The following KIF24 variants were observed in gnomAD, a reference collection of about 807,000 sequenced individuals.
KIF24 encodes kinesin-like protein KIF24.
Under a neutral mutation model 118.9 loss-of-function variants are expected in KIF24, and 81 were observed. That is an observed-to-expected ratio of 0.68 (90% CI 0.57 to 0.82). The LOEUF (loss-of-function observed/expected upper bound fraction) is 0.82, where lower values mean the gene tolerates loss of function less well. Ranked by LOEUF, KIF24 falls within the 40% of genes least tolerant of loss-of-function variation. KIF24 has a pLI of 0.00. For missense variants in KIF24, 1,560 were observed against 1,661.6 expected (o/e 0.94, Z 1.06); for synonymous variants, 599 against 610.0 (o/e 0.98, Z 0.27).
At chr9:34,280,010 C>T (rs185897425) in intron 6 of KIF24, among the ~76,000 whole-genome samples, 31 of 152,114 alleles carry the variant, frequency 2.0e-4, no homozygotes, top group Non-Finnish European at 2.9e-4. Flanking sequence ...GCCGGCCGGG[C>T]GCGGTGGCTC....
intron 3 of KIF24, among the ~76,000 whole-genome samples, chr9:34,302,387 T>G (rs1016529872): frequency 2.0e-5 from 3 of 151,874 alleles, no homozygotes; most frequent in African/African-American, 7.3e-5. Context: ...TACTATAGTC[T>G]CAACCTCCCA....
chr9:34,280,081 G>A (rs1183571223), intron 6 of KIF24, among the ~76,000 whole-genome samples: 2 of 151,332 alleles, frequency 1.3e-5, no homozygotes, highest in African/African-American at 4.9e-5. Context: ...TCAGGAGATC[G>A]AGACCATCCC....
intron 3 of KIF24, among the ~76,000 whole-genome samples, chr9:34,297,711 G>A (rs1193328601): frequency 6.6e-6 from 1 of 150,880 alleles, no homozygotes; most frequent in Non-Finnish European, 1.5e-5. Context: ...GCAGTGAGCC[G>A]AGATGGCACC....
At position 34,255,359 on chromosome 9, in the gene KIF24, A is replaced by G. The variant is rs79120725; in HGVS notation, c.3873-194T>C. Among the ~76,000 whole-genome samples, 58 of 152,162 alleles carry G rather than the reference A, an allele frequency of 3.8e-4. 1 individual carries two copies. In the East Asian group the frequency reaches 0.01, roughly 27 times the overall value. On this transcript the variant is annotated intron_variant, in intron 11 of 12. Transcript: ENST00000402558. ...AGGATTAGGTAAGGAATTACGGAGT[A>G]CCAACGAGATACAGGGAGGGAGACA...
chr9:34,286,287 T>C (rs998887318), intron 6 of KIF24, among the ~76,000 whole-genome samples: 3 of 152,138 alleles, frequency 2.0e-5, no homozygotes, highest in African/African-American at 7.2e-5. Flanking sequence ...TGAGCAGAGA[T>C]TGTGCCATTG....
Position 34,254,199 on chromosome 9 carries a change from G to T in KIF24, c.*181C>A. On this transcript the variant is annotated 3_prime_UTR_variant, in exon 13 of 13. Transcript: ENST00000402558. Reference sequence around the variant, plus strand: ...GCATGGAACTGAGGGACAGGGGCCTGTCCCTGAGGGAGAAGCTGGGACCTA... The same window carrying T: ...GCATGGAACTGAGGGACAGGGGCCTTTCCCTGAGGGAGAAGCTGGGACCTA... 1 of 557,850 alleles carries T rather than the reference G, an allele frequency of 1.8e-6. No individual in the cohort carries two copies. The highest frequency in any genetic ancestry group is 3.0e-6 in the Non-Finnish European group (1 of 333,250). The allele number at this position is 557,850 out of a possible 1,614,324, so 34.6% of individuals were successfully genotyped here. A position where few individuals can be genotyped will look rare whatever the true frequency, so the allele number is the denominator to read the frequency against.
At chr9:34,258,079 A>G in intron 10 of KIF24, 98 bp from the exon 11 acceptor site, 1 of 917,288 alleles carries the variant, frequency 1.1e-6, no homozygotes, top group Non-Finnish European at 1.7e-6. Flanking sequence ...GAAAAGTATT[A>G]CAAGGATTGG....
At chr9:34,283,479 AT>A (rs1268306748) in intron 6 of KIF24, among the ~76,000 whole-genome samples, 2 of 152,190 alleles carry the variant, frequency 1.3e-5, no homozygotes, top group Non-Finnish European at 2.9e-5. Flanking sequence ...AAAAAGGTGA[AT>A]GTTACGGTAT....
In KIF24 at chr9:34,328,404, T is replaced by C. The variant is rs990884411; in HGVS notation, c.-26+702A>G. ...AAAGACTAAAAGGAGTCTAATAAAA[T>C]TATTGGGAGACCAAGGCTAAAAGCC... On this transcript the variant is annotated intron_variant, in intron 1 of 12. Coordinates refer to ENST00000402558, the MANE Select transcript of KIF24 (RefSeq NM_194313.4). Among the ~76,000 whole-genome samples the C allele has an allele frequency of 7.9e-5, 12 of 152,310 alleles. 2 individuals carry two copies. Among genetic ancestry groups the C allele is most frequent in the Admixed American group, 3.3e-4 (5 of 15,300 alleles).
chr9:34,283,853 A>G lies in KIF24; in HGVS notation c.1215+2764T>C, dbSNP rs558219423. Among the ~76,000 whole-genome samples the G allele has an allele frequency of 6.6e-5, 10 of 152,234 alleles. No individual in the cohort carries two copies. The South Asian group carries it at 1.2e-3, about 19-fold the overall frequency. On this transcript the variant is annotated intron_variant, in intron 6 of 12. Transcript: ENST00000402558. ...ACCCCACAATAAAATATAATTAAAC[A>G]CTCCAGACTGGCAAAAATTCAAAAT...
At chr9:34,262,675 AATATATATATATATATATAT>A (rs1428160924) in intron 9 of KIF24, among the ~76,000 whole-genome samples, 3,148 of 26,930 alleles carry the variant, frequency 0.12, 207 homozygotes, top group Non-Finnish European at 0.14. Flanking sequence ...AAAAAAAAAA[AATATATATATATATATATAT>A]ATATATATAT....
chr9:34,310,396 A>T (rs200141290), intron 2 of KIF24, among the ~76,000 whole-genome samples: 1 of 47,760 alleles, frequency 2.1e-5, no homozygotes, highest in South Asian at 1.5e-3. Flanking sequence ...AGAAGGGTTA[A>T]CTATTTCACT....
intron 8 of KIF24, among the ~76,000 whole-genome samples, chr9:34,268,755 G>A (rs1450878112): frequency 6.6e-6 from 1 of 152,016 alleles, no homozygotes; most frequent in Non-Finnish European, 1.5e-5. Context: ...TTATCCACCT[G>A]CCCTGGCCTC....
Position 34,257,827 on chromosome 9 carries a change from G to T in KIF24, c.1780C>A (p.Gln594Lys), listed in dbSNP as rs1834916240. ...SPKKVKLGFQ[Q>K]SLTVAAPGST... ...CCAGGGGCTGCCACTGTGAGTGACT[G>T]CTGAAATCCCAGCTTGACTTTTTTG... is the stretch of plus-strand genomic sequence containing the variant. Residue 594 changes from glutamine (Q) to lysine (K), a missense_variant, in exon 11 of 13, where the codon CAG becomes AAG. By Grantham distance (53) the Gln-to-Lys change is moderately conservative (BLOSUM62 1). This residue lies in a region of KIF24 where 964 missense variants were observed against 988.0 expected (regional missense o/e 0.98). Coordinates refer to ENST00000402558, the MANE Select transcript of KIF24 (RefSeq NM_194313.4). 6.2e-7 allele frequency: 1 copy of T among 1,613,914 alleles called. No homozygotes were observed. The highest frequency in any genetic ancestry group is 8.5e-7 in the Non-Finnish European group (1 of 1,179,906).
At chr9:34,294,846 G>A (rs1290186674) in intron 4 of KIF24, among the ~76,000 whole-genome samples, 2 of 152,150 alleles carry the variant, frequency 1.3e-5, no homozygotes, top group African/African-American at 2.4e-5. Context: ...AGACCTGGGG[G>A]TGAGGGTGGA....
Position 34,256,590 on chromosome 9 carries a change from G to A in KIF24, c.3017C>T (p.Thr1006Ile), listed in dbSNP as rs778546434. Residue 1006 changes from threonine to isoleucine, a missense_variant, in exon 11 of 13, where the codon ACA becomes ATA. Transcript: ENST00000402558. ...GTCTGCACTGACTTCTCTCAGAGGT[G>A]TGGTGACTGTGTCTCTTTGGTCTGG... ...GSPDQRDTVT[T>I]PLREVSADGP... 1 of 1,614,012 alleles carries A rather than the reference G, an allele frequency of 6.2e-7. No individual in the cohort carries two copies. The highest frequency in any genetic ancestry group is 1.1e-5 in the South Asian group (1 of 91,086).
chr9:34,280,023 G>A (rs1392651283), intron 6 of KIF24, among the ~76,000 whole-genome samples: 1 of 152,006 alleles, frequency 6.6e-6, no homozygotes, highest in Non-Finnish European at 1.5e-5. Context: ...GGTGGCTCAC[G>A]CCTGTAATCC....
At position 34,306,456 on chromosome 9, in the gene KIF24, A is replaced by G. The variant is rs747380496; in HGVS notation, c.624-15T>C. ...AAGTGTTCTGTCTAATATGTTTATA[A>G]ACAGGCTTTTAATTTTTAATAATAG... On this transcript the variant is annotated splice_polypyrimidine_tract_variant and intron_variant, in intron 2 of 12. Coordinates refer to ENST00000402558, the MANE Select transcript of KIF24 (RefSeq NM_194313.4). 38 of 1,517,824 alleles carry G rather than the reference A, an allele frequency of 2.5e-5. No homozygotes were observed. The highest frequency in any genetic ancestry group is 3.3e-5 in the Non-Finnish European group (37 of 1,119,056). The allele number at this position is 1,517,824 out of a possible 1,614,324, so 94.0% of individuals were successfully genotyped here. A position where few individuals can be genotyped will look rare whatever the true frequency, so the allele number is the denominator to read the frequency against.
chr9:34,323,509 G>A (rs1027820351), intron 1 of KIF24, among the ~76,000 whole-genome samples: 1 of 152,188 alleles, frequency 6.6e-6, no homozygotes, highest in African/African-American at 2.4e-5. Context: ...AACCAATGTT[G>A]GGTTTAAATT....
Sources: allele counts gnomAD v4.1 joint callset (sites outside exome capture counted in the v4.1 genomes callset), GRCh38; gene constraint gnomAD v4.1.1; regional missense constraint gnomAD v4.1.1; transcripts MANE v1.5; gene names NCBI Gene and HGNC (gene_info 2026-07-23, HGNC 2026-07-21).